Variants in CNTNAP3B observed in about 807,000 individuals in gnomAD.
CNTNAP3B encodes the protein contactin-associated protein-like 3B.
In CNTNAP3B, 25 loss-of-function variants were observed where a neutral mutation model predicts 108.9. That is an observed-to-expected ratio of 0.23 (90% CI 0.17 to 0.32). The LOEUF (loss-of-function observed/expected upper bound fraction) is 0.32. Ranked by LOEUF, CNTNAP3B falls within the 10% of genes least tolerant of loss-of-function variation. The pLI, the probability that CNTNAP3B is intolerant of heterozygous loss-of-function variation, is 1.00. For missense variants in CNTNAP3B, 252 were observed against 1,210.4 expected, an observed-to-expected ratio of 0.21 and a Z score of 11.75; for synonymous variants, 103 against 473.4, an observed-to-expected ratio of 0.22 and a Z score of 10.16.
At chr9:41,941,572 G>A (rs1426532501) in intron 13 of CNTNAP3B, among the ~76,000 whole-genome samples, 1,080 of 123,680 alleles carry the variant, frequency 8.7e-3, no homozygotes, top group African/African-American at 0.034. Context: ...GACATTAAGA[G>A]TCTGGAAGTC....
intron 3 of CNTNAP3B, among the ~76,000 whole-genome samples, chr9:42,058,306 G>A (rs1252105572): frequency 2.0e-5 from 3 of 152,188 alleles, no homozygotes; most frequent in African/African-American, 4.8e-5. Context: ...TTCCATAATG[G>A]ATATACAAAT....
intron 10 of CNTNAP3B, among the ~76,000 whole-genome samples, chr9:41,966,442 G>A (rs1257162651): frequency 6.6e-6 from 1 of 152,282 alleles, no homozygotes; most frequent in Non-Finnish European, 1.5e-5. Context: ...AAATAATAGA[G>A]GAAGTAGCTA....
chr9:42,024,819 C>A (rs1409165111), intron 3 of CNTNAP3B, among the ~76,000 whole-genome samples: 1 of 145,012 alleles, frequency 6.9e-6, no homozygotes, highest in Non-Finnish European at 1.5e-5. Context: ...ATTTCTCATC[C>A]AGTTTCTCAG....
intron 3 of CNTNAP3B, among the ~76,000 whole-genome samples, chr9:42,054,610 T>A (rs1464785196): frequency 6.6e-6 from 1 of 151,710 alleles, no homozygotes; most frequent in Non-Finnish European, 1.5e-5. Flanking sequence ...CCACATCACG[T>A]GATGGTCAAG....
intron 13 of CNTNAP3B, among the ~76,000 whole-genome samples, chr9:41,950,485 C>A (rs1467094296): frequency 1.7e-4 from 20 of 117,074 alleles, no homozygotes; most frequent in Non-Finnish European, 3.3e-4. Context: ...AACAAACAAC[C>A]CAGATGCCCT....
Position 42,096,646 on chromosome 9 carries a change from C to T in CNTNAP3B, c.196+7983G>A, listed in dbSNP as rs1827906915. ...TGGCCTTTATAGGAATTATCAGTGT[C>T]GTGAAGAAAGTTTTTATTTCCATTT... is the stretch of plus-strand genomic sequence containing the variant. On this transcript the variant is annotated intron_variant, in intron 2 of 23. Coordinates refer to ENST00000377561, the MANE Select transcript of CNTNAP3B (RefSeq NM_001201380.3). Among the ~76,000 whole-genome samples, 2 of 121,822 alleles carry T rather than the reference C, an allele frequency of 1.6e-5. 1 individual carries two copies. The highest frequency in any genetic ancestry group is 6.7e-5 in the African/African-American group (2 of 29,692). 79.9% of individuals were successfully genotyped at this position (121,822 alleles called of 152,430 possible).
chr9:42,106,489 C>T (rs1828091404), intron 1 of CNTNAP3B, among the ~76,000 whole-genome samples: 1 of 122,448 alleles, frequency 8.2e-6, no homozygotes, highest in African/African-American at 3.4e-5. Flanking sequence ...ATGTGCAGAG[C>T]TGTTAAGAAA....
chr9:42,112,548 C>T (rs973169858), intron 1 of CNTNAP3B, among the ~76,000 whole-genome samples: 2 of 138,678 alleles, frequency 1.4e-5, no homozygotes, highest in Non-Finnish European at 3.1e-5. Context: ...TTCCTAGAGT[C>T]TACCTGTGGG....
At chr9:42,076,370 G>A (rs1310881270) in intron 3 of CNTNAP3B, among the ~76,000 whole-genome samples, 1 of 133,004 alleles carries the variant, frequency 7.5e-6, no homozygotes, top group Admixed American at 7.5e-5. Flanking sequence ...AGGCTGCAGT[G>A]AGCCAAGATT....
intron 3 of CNTNAP3B, among the ~76,000 whole-genome samples, chr9:42,017,342 G>GA (rs1044386693): frequency 5.6e-5 from 7 of 125,576 alleles, no homozygotes; most frequent in East Asian, 2.4e-4. Context: ...GCCATAAGCA[G>GA]AAAAAAATCT....
At chr9:42,003,261 T>C (rs1826035884) in intron 4 of CNTNAP3B, among the ~76,000 whole-genome samples, 1 of 120,752 alleles carries the variant, frequency 8.3e-6, no homozygotes, top group Non-Finnish European at 1.7e-5. Flanking sequence ...TACTTCTCAC[T>C]GTCATTCTAA....
intron 1 of CNTNAP3B, among the ~76,000 whole-genome samples, chr9:42,120,485 AG>A (rs1828436018): frequency 1.4e-5 from 2 of 138,204 alleles, no homozygotes; most frequent in Admixed American, 1.4e-4. Context: ...ATATACCCAA[AG>A]GATTATAAAT....
At chr9:41,967,197 T>C (rs1422339238) in intron 10 of CNTNAP3B, among the ~76,000 whole-genome samples, 4 of 151,938 alleles carry the variant, frequency 2.6e-5, no homozygotes, top group African/African-American at 9.7e-5. Flanking sequence ...CACCCAAATC[T>C]CATCTTGAAT....
chr9:41,924,622 C>T (rs1333508202), intron 15 of CNTNAP3B, among the ~76,000 whole-genome samples: 1 of 147,644 alleles, frequency 6.8e-6, no homozygotes, highest in African/African-American at 2.6e-5. Flanking sequence ...GAAGCCAGAA[C>T]ACAGACTCTT....
At chr9:41,963,171 C>T (rs1825159159) in intron 11 of CNTNAP3B, among the ~76,000 whole-genome samples, 1 of 152,292 alleles carries the variant, frequency 6.6e-6, no homozygotes, top group East Asian at 1.9e-4. Context: ...CCACAGCCTG[C>T]CTTTCTCCTG....
At chr9:41,934,122 T>TATATATATATATATATAC (rs1214326050) in intron 14 of CNTNAP3B, among the ~76,000 whole-genome samples, 49 of 73,392 alleles carry the variant, frequency 6.7e-4, no homozygotes, top group African/African-American at 2.3e-3. Flanking sequence ...TATATATATA[T>TATATATATATATATATAC]ACACACACAT....
intron 2 of CNTNAP3B, among the ~76,000 whole-genome samples, chr9:42,086,017 C>T (rs1355661774): frequency 7.1e-6 from 1 of 140,002 alleles, no homozygotes; most frequent in Non-Finnish European, 1.5e-5. Flanking sequence ...CTTCACACTG[C>T]TGATGAAGAC....
In CNTNAP3B at chr9:42,122,299, T is replaced by C. The variant is rs1828479732; in HGVS notation, c.85+6711A>G. On this transcript the variant is annotated intron_variant, in intron 1 of 23. Coordinates refer to ENST00000377561, the MANE Select transcript of CNTNAP3B (RefSeq NM_001201380.3). ...AATTTTAAAAGACCATTTGGGTTCC[T>C]TTGTTAGTGGACAAGAATGAAAAGA... 1.4e-5 allele frequency among the ~76,000 whole-genome samples: 2 copies of C among 139,794 alleles called. 1 individual carries two copies. The highest frequency in any genetic ancestry group is 4.3e-4 in the East Asian group (2 of 4,644). 91.7% of individuals were successfully genotyped at this position (139,794 alleles called of 152,430 possible).
At chr9:42,103,499 G>C (rs1828041715) in intron 2 of CNTNAP3B, among the ~76,000 whole-genome samples, 1 of 124,650 alleles carries the variant, frequency 8.0e-6, no homozygotes, top group South Asian at 2.6e-4. Context: ...TGAGGTGGGT[G>C]GATCAGGAGG....
Sources: allele counts gnomAD v4.1 joint callset (sites outside exome capture counted in the v4.1 genomes callset), GRCh38; gene constraint gnomAD v4.1.1; transcripts MANE v1.5; gene names NCBI Gene and HGNC (gene_info 2026-07-23, HGNC 2026-07-21).